KCNK13: variants seen among roughly 807,000 people sequenced by gnomAD.
KCNK13 encodes the protein potassium two pore domain channel subfamily K member 13.
Under a neutral mutation model 23.4 loss-of-function variants are expected in KCNK13, and 12 were observed. The observed-to-expected ratio is 0.51, with a 90% CI of 0.33 to 0.83. The LOEUF is 0.83. Ranked by LOEUF, KCNK13 falls within the 40% of genes least tolerant of loss-of-function variation. The probability of loss-of-function intolerance (pLI) is 0.02; values close to 1 mark genes in which losing one functional copy is unlikely to be tolerated. For missense variants in KCNK13, 463 were observed against 556.3 expected (o/e 0.83, Z 1.69); for synonymous variants, 231 against 229.5 (o/e 1.01, Z -0.06).
intron 1 of KCNK13, among the ~76,000 whole-genome samples, chr14:90,070,854 C>T (rs912271437): frequency 6.6e-6 from 1 of 152,206 alleles, no homozygotes; most frequent in African/African-American, 2.4e-5. Context: ...CTGGTGAGAG[C>T]TTACCTCCAC....
intron 1 of KCNK13, among the ~76,000 whole-genome samples, chr14:90,114,437 C>T (rs1367888232): frequency 6.6e-6 from 1 of 152,122 alleles, no homozygotes; most frequent in Non-Finnish European, 1.5e-5. Context: ...GGGGCATGAC[C>T]TCGGCTTTGG....
intron 1 of KCNK13, among the ~76,000 whole-genome samples, chr14:90,131,857 T>G (rs1889878609): frequency 6.6e-6 from 1 of 152,244 alleles, no homozygotes; most frequent in Non-Finnish European, 1.5e-5. Flanking sequence ...GTGCAACGGC[T>G]ACAGAAAACA....
intron 1 of KCNK13, among the ~76,000 whole-genome samples, chr14:90,067,752 A>G (rs955871807): frequency 5.3e-5 from 8 of 152,194 alleles, no homozygotes; most frequent in African/African-American, 1.7e-4. Context: ...GAATGACAGT[A>G]TGTCTTGTAA....
At chr14:90,121,844 C>T (rs759150516) in intron 1 of KCNK13, among the ~76,000 whole-genome samples, 67 of 151,818 alleles carry the variant, frequency 4.4e-4, no homozygotes, top group Non-Finnish European at 6.6e-4. Flanking sequence ...CTCAGCCTCC[C>T]GAGTAGCTGG....
chr14:90,083,755 T>G (rs970638835), intron 1 of KCNK13, among the ~76,000 whole-genome samples: 1 of 152,230 alleles, frequency 6.6e-6, no homozygotes, highest in African/African-American at 2.4e-5. Context: ...GAAGTAAATT[T>G]CTGTTCTTTG....
Position 90,121,439 on chromosome 14 carries a change from A to G in KCNK13, c.334+58900A>G, listed in dbSNP as rs186916187. ...GATGTTGTTACGCCGTGGCAATGTC[A>G]TTAGCTAAATGGTGTTTGATCATTC... On this transcript the variant is annotated intron_variant, in intron 1 of 1. Transcript: ENST00000282146. Among the ~76,000 whole-genome samples, 60 of 152,316 alleles carry G rather than the reference A, an allele frequency of 3.9e-4. 1 individual carries two copies. The highest frequency in any genetic ancestry group is 3.4e-3 in the Middle Eastern group (1 of 294).
At chr14:90,122,032 G>A (rs10144798) in intron 1 of KCNK13, among the ~76,000 whole-genome samples, 44,682 of 151,896 alleles carry the variant, frequency 0.29, 6,737 homozygotes, top group Admixed American at 0.38. Flanking sequence ...TGCATTTTTA[G>A]CCTGTATATT....
intron 1 of KCNK13, among the ~76,000 whole-genome samples, chr14:90,167,033 T>A (rs75314596): frequency 0.05 from 7,558 of 152,250 alleles, 245 homozygotes; most frequent in Middle Eastern, 0.11. Context: ...GCTACATGAC[T>A]TTGAGCAAGT....
intron 1 of KCNK13, among the ~76,000 whole-genome samples, chr14:90,177,615 A>AAGGATACACAAAGT (rs1402467697): frequency 6.6e-6 from 1 of 152,186 alleles, no homozygotes; most frequent in East Asian, 1.9e-4. Context: ...GATTTCTGGA[A>AAGGATACACAAAGT]AGGATACACA....
At chr14:90,169,775 T>A (rs930768700) in intron 1 of KCNK13, among the ~76,000 whole-genome samples, 4 of 152,162 alleles carry the variant, frequency 2.6e-5, no homozygotes, top group African/African-American at 9.7e-5. Context: ...TAAGTTTCTT[T>A]AAGGGACTCT....
chr14:90,146,925 A>T (rs1890079796), intron 1 of KCNK13, among the ~76,000 whole-genome samples: 1 of 151,894 alleles, frequency 6.6e-6, no homozygotes, highest in Admixed American at 6.6e-5. Context: ...TATTAGTTAA[A>T]ATTCTTCAGT....
At chr14:90,101,324 G>A (rs1384286207) in intron 1 of KCNK13, among the ~76,000 whole-genome samples, 2 of 152,112 alleles carry the variant, frequency 1.3e-5, no homozygotes, top group African/African-American at 2.4e-5. Context: ...GTCCCAGCAC[G>A]TCTCCACTCA....
chr14:90,154,221 A>G (rs1343450442), intron 1 of KCNK13, among the ~76,000 whole-genome samples: 1 of 151,930 alleles, frequency 6.6e-6, no homozygotes, highest in Non-Finnish European at 1.5e-5. Flanking sequence ...TACTACCCAC[A>G]ATGCTGTGCT....
At chr14:90,154,781 C>A (rs766394433) in intron 1 of KCNK13, among the ~76,000 whole-genome samples, 3 of 150,230 alleles carry the variant, frequency 2.0e-5, no homozygotes, top group East Asian at 3.9e-4. Flanking sequence ...CACTTGCTTA[C>A]CCTATTAATT....
chr14:90,151,604 C>G (rs1384970328), intron 1 of KCNK13, among the ~76,000 whole-genome samples: 1 of 152,020 alleles, frequency 6.6e-6, no homozygotes, highest in African/African-American at 2.4e-5. Flanking sequence ...TGATTATTTT[C>G]TTTGCTGTGC....
chr14:90,150,971 C>T (rs1395809820), intron 1 of KCNK13, among the ~76,000 whole-genome samples: 1 of 151,918 alleles, frequency 6.6e-6, no homozygotes, highest in African/African-American at 2.4e-5. Flanking sequence ...AGAGCAAGAC[C>T]TTGTCTCAAA....
chr14:90,074,436 A>T (rs1889113072), intron 1 of KCNK13, among the ~76,000 whole-genome samples: 1 of 152,222 alleles, frequency 6.6e-6, no homozygotes, highest in Non-Finnish European at 1.5e-5. Context: ...TGTTTTCTAT[A>T]GCTTTTCATA....
intron 1 of KCNK13, among the ~76,000 whole-genome samples, chr14:90,123,065 G>A (rs991983832): frequency 1.5e-4 from 23 of 152,238 alleles, no homozygotes; most frequent in Middle Eastern, 6.8e-3. Context: ...TGTATTTATT[G>A]AACTATAGCT....
intron 1 of KCNK13, among the ~76,000 whole-genome samples, chr14:90,157,362 G>T (rs978047445): frequency 6.6e-6 from 1 of 152,054 alleles, no homozygotes; most frequent in African/African-American, 2.4e-5. Context: ...AGTCAAGCAC[G>T]TTGTAACCAC....
Sources: allele counts gnomAD v4.1 joint callset (sites outside exome capture counted in the v4.1 genomes callset), GRCh38; gene constraint gnomAD v4.1.1; transcripts MANE v1.5; gene names NCBI Gene and HGNC (gene_info 2026-07-23, HGNC 2026-07-21).